The following SAMD3 variants were observed in gnomAD, a reference collection of about 807,000 sequenced individuals.
SAMD3 encodes sterile alpha motif domain containing 3.
Under a neutral mutation model 58.5 loss-of-function variants are expected in SAMD3, and 63 were observed. That is an observed-to-expected ratio of 1.08 (90% confidence interval 0.88 to 1.33). The LOEUF (loss-of-function observed/expected upper bound fraction) is 1.33, where lower values mean the gene tolerates loss of function less well. Ranked by LOEUF, SAMD3 falls within the 40% of genes most tolerant of loss-of-function variation. The pLI, the probability that SAMD3 is intolerant of heterozygous loss-of-function variation, is 0.00. For missense variants in SAMD3, 604 were observed against 608.4 expected, an observed-to-expected ratio of 0.99 and a Z score of 0.08; for synonymous variants, 220 against 210.3, an observed-to-expected ratio of 1.05 and a Z score of -0.40.
intron 2 of SAMD3, among the ~76,000 whole-genome samples, chr6:130,296,732 T>C (rs566248549): frequency 3.0e-4 from 46 of 152,264 alleles, no homozygotes; most frequent in African/African-American, 1.1e-3. Flanking sequence ...TTGCCTGCTC[T>C]GGACCAAGGG....
intron 1 of SAMD3, among the ~76,000 whole-genome samples, chr6:130,349,217 A>C (rs1159533077): frequency 6.6e-6 from 1 of 152,244 alleles, no homozygotes; most frequent in Non-Finnish European, 1.5e-5. Context: ...AAGGCAAGAA[A>C]TAACTAAGAT....
chr6:130,347,376 C>T (rs1406704961), intron 1 of SAMD3, among the ~76,000 whole-genome samples: 2 of 152,058 alleles, frequency 1.3e-5, no homozygotes, highest in Non-Finnish European at 2.9e-5. Context: ...GCAGAGAAGT[C>T]CTTAAAGGAC....
At chr6:130,336,619 C>G (rs1389636050) in intron 1 of SAMD3, among the ~76,000 whole-genome samples, 1 of 152,182 alleles carries the variant, frequency 6.6e-6, no homozygotes, top group African/African-American at 2.4e-5. Flanking sequence ...GAGTGCCTGC[C>G]ATCATTGTGC....
intron 2 of SAMD3, among the ~76,000 whole-genome samples, chr6:130,237,064 A>C (rs1466276213): frequency 6.6e-6 from 1 of 151,394 alleles, no homozygotes; most frequent in African/African-American, 2.5e-5. Flanking sequence ...TTATAGGTTT[A>C]TTATAATTAA....
chr6:130,348,289 G>C (rs547680512), intron 1 of SAMD3, among the ~76,000 whole-genome samples: 32 of 152,276 alleles, frequency 2.1e-4, no homozygotes, highest in African/African-American at 7.5e-4. Flanking sequence ...TGGCAAATTG[G>C]ATAAAGAGTC....
chr6:130,304,921 T>TCTTC (rs869071591), intron 2 of SAMD3, among the ~76,000 whole-genome samples: 1 of 147,414 alleles, frequency 6.8e-6, no homozygotes, highest in Non-Finnish European at 1.5e-5. Flanking sequence ...AATTACATTT[T>TCTTC]CTTCCTTTTT....
At chr6:130,160,550 A>AG (rs1229550568) in intron 8 of SAMD3, 2 of 152,200 alleles carry the variant, frequency 1.3e-5, no homozygotes, top group African/African-American at 4.8e-5. Flanking sequence ...AGAGACAGGA[A>AG]GGGCAGAGCA....
intron 2 of SAMD3, among the ~76,000 whole-genome samples, chr6:130,273,436 A>G (rs1774644480): frequency 6.6e-6 from 1 of 152,114 alleles, no homozygotes; most frequent in African/African-American, 2.4e-5. Flanking sequence ...GGTCTCTTAA[A>G]ATTAACCATT....
chr6:130,303,349 T>C (rs1394435828), intron 2 of SAMD3, among the ~76,000 whole-genome samples: 1 of 152,140 alleles, frequency 6.6e-6, no homozygotes, highest in Non-Finnish European at 1.5e-5. Context: ...GTCTGATCTC[T>C]CTGTTGAGGT....
chr6:130,209,146 C>A (rs1161375524), intron 5 of SAMD3, among the ~76,000 whole-genome samples: 1 of 152,180 alleles, frequency 6.6e-6, no homozygotes, highest in African/African-American at 2.4e-5. Flanking sequence ...AACAAAAACT[C>A]CACCAAGGGA....
chr6:130,297,438 A>G (rs1775606920), intron 2 of SAMD3, among the ~76,000 whole-genome samples: 1 of 152,234 alleles, frequency 6.6e-6, no homozygotes, highest in Admixed American at 6.5e-5. Context: ...GTTCCCTCAG[A>G]TGAGAAGGAA....
chr6:130,218,872 A>T (rs1178036012), intron 1 of SAMD3, among the ~76,000 whole-genome samples: 1 of 152,210 alleles, frequency 6.6e-6, no homozygotes, highest in African/African-American at 2.4e-5. Flanking sequence ...TTGGAATAGG[A>T]ACCACATGGT....
chr6:130,322,354 T>C (rs1406936278), intron 1 of SAMD3, among the ~76,000 whole-genome samples: 1 of 152,156 alleles, frequency 6.6e-6, no homozygotes, highest in African/African-American at 2.4e-5. Context: ...AGGCTGGGAA[T>C]CAGGCATTTT....
intron 8 of SAMD3, among the ~76,000 whole-genome samples, chr6:130,156,638 G>C (rs992960075): frequency 6.6e-6 from 1 of 151,964 alleles, no homozygotes; most frequent in Non-Finnish European, 1.5e-5. Context: ...AGAAAGATTC[G>C]GGGCAGAAAA....
At chr6:130,310,171 C>T (rs1485550063) in intron 2 of SAMD3, among the ~76,000 whole-genome samples, 6 of 152,166 alleles carry the variant, frequency 3.9e-5, no homozygotes, top group African/African-American at 1.4e-4. Context: ...CCATTTGAAA[C>T]AGAATCCGTT....
intron 4 of SAMD3, among the ~76,000 whole-genome samples, chr6:130,210,533 A>G (rs1366605696): frequency 6.6e-6 from 1 of 151,254 alleles, no homozygotes; most frequent in Non-Finnish European, 1.5e-5. Flanking sequence ...TGGGAGGCAG[A>G]GGTTGCAGTG....
intron 2 of SAMD3, among the ~76,000 whole-genome samples, chr6:130,243,648 T>C (rs969402177): frequency 6.6e-6 from 1 of 152,258 alleles, no homozygotes; most frequent in Non-Finnish European, 1.5e-5. Flanking sequence ...TATCGAATTC[T>C]AGGCTCTTTC....
intron 2 of SAMD3, among the ~76,000 whole-genome samples, chr6:130,261,031 T>A (rs1774109628): frequency 6.6e-6 from 1 of 152,150 alleles, no homozygotes; most frequent in East Asian, 1.9e-4. Context: ...ACTTGCCCAC[T>A]CCATTTGAGT....
chr6:130,303,874 T>C (rs1775828149), intron 2 of SAMD3, among the ~76,000 whole-genome samples: 2 of 152,230 alleles, frequency 1.3e-5, no homozygotes, highest in Admixed American at 6.5e-5. Context: ...TGTATGTGTG[T>C]TGCAAGTCTA....
Sources: allele counts gnomAD v4.1 joint callset (sites outside exome capture counted in the v4.1 genomes callset), GRCh38; gene constraint gnomAD v4.1.1; transcripts MANE v1.5; gene names NCBI Gene and HGNC (gene_info 2026-07-23, HGNC 2026-07-21).